Variants in SETBP1 observed in about 807,000 individuals in gnomAD.
SETBP1 encodes the protein SET binding protein 1, also known as SET-binding protein.
SETBP1 carries 9 observed loss-of-function variants against 101.0 expected under a neutral mutation model. The ratio of observed to expected loss-of-function variants is 0.09; its 90% CI spans 0.05 to 0.16. The LOEUF is 0.16. SETBP1 is among the 10% of genes least tolerant of loss of function. SETBP1 has a pLI of 1.00. For synonymous variants in SETBP1, 818 were observed against 788.5 expected (o/e 1.04, Z -0.63); for missense variants, 1,858 against 2,033.8 (o/e 0.91, Z 1.66).
At chr18:44,809,374 A>C (rs2071812263) in intron 2 of SETBP1, among the ~76,000 whole-genome samples, 1 of 152,232 alleles carries the variant, frequency 6.6e-6, no homozygotes, top group Non-Finnish European at 1.5e-5. Flanking sequence ...AATTCAAAAC[A>C]AGAAATTACT....
At chr18:45,036,349 A>T (rs57611168) in intron 4 of SETBP1, among the ~76,000 whole-genome samples, 38,951 of 147,942 alleles carry the variant, frequency 0.26, 5,348 homozygotes, top group Middle Eastern at 0.4. Context: ...AAAAAAAAAA[A>T]GGCTAAGAAG....
intron 3 of SETBP1, among the ~76,000 whole-genome samples, chr18:44,943,766 C>T (rs973364989): frequency 5.3e-5 from 8 of 152,162 alleles, no homozygotes; most frequent in Non-Finnish European, 1.0e-4. Flanking sequence ...CCAGGATTCC[C>T]CAGGGGTTTG....
At chr18:44,859,623 T>C (rs2073037464) in intron 2 of SETBP1, among the ~76,000 whole-genome samples, 1 of 152,080 alleles carries the variant, frequency 6.6e-6, no homozygotes, top group African/African-American at 2.4e-5. Flanking sequence ...TAGTGTGAAA[T>C]TTAAGATAGA....
At chr18:45,039,947 T>C (rs988865637) in intron 5 of SETBP1, among the ~76,000 whole-genome samples, 6 of 152,116 alleles carry the variant, frequency 3.9e-5, no homozygotes, top group African/African-American at 9.7e-5. Context: ...GAAAAGTAGG[T>C]GTAGGAAAAG....
intron 2 of SETBP1, among the ~76,000 whole-genome samples, chr18:44,868,214 T>G (rs965469162): frequency 6.6e-6 from 1 of 152,220 alleles, no homozygotes; most frequent in African/African-American, 2.4e-5. Context: ...TATAACTGAC[T>G]TTTATTCTTT....
intron 2 of SETBP1, among the ~76,000 whole-genome samples, chr18:44,764,081 C>T (rs2070714496): frequency 6.6e-6 from 1 of 152,240 alleles, no homozygotes; most frequent in Admixed American, 6.5e-5. Context: ...AATTAGGATG[C>T]TCCTGTGCTC....
intron 2 of SETBP1, among the ~76,000 whole-genome samples, chr18:44,776,647 C>T (rs2071010699): frequency 6.6e-6 from 1 of 152,244 alleles, no homozygotes; most frequent in Non-Finnish European, 1.5e-5. Flanking sequence ...TCCTTTATGC[C>T]TAAAGAAGTC....
chr18:44,952,100 G>A lies in SETBP1; in HGVS notation c.2760G>A (p.Lys920=). 1 of 1,614,062 alleles carries A rather than the reference G, an allele frequency of 6.2e-7. No individual in the cohort carries two copies. Among genetic ancestry groups the A allele is most frequent in the Non-Finnish European group, 8.5e-7 (1 of 1,180,022 alleles). ...STKNRHGHRQ[K]HLIVDNFLAH... ...AGAACCGGCATGGCCACCGGCAAAA[G>A]CATCTCATTGTGGACAACTTTCTGG... is the stretch of plus-strand genomic sequence containing the variant. Residue 920 remains lysine, a synonymous_variant, in exon 4 of 6, where the codon AAG becomes AAA. Transcript: ENST00000649279.
chr18:44,871,673 G>A (rs948176439), intron 3 of SETBP1: 6 of 152,196 alleles, frequency 3.9e-5, no homozygotes, highest in African/African-American at 1.4e-4. Context: ...TCTTCTCTCT[G>A]CTTCCAGATA....
intron 4 of SETBP1, among the ~76,000 whole-genome samples, chr18:44,971,159 AATG>A (rs1215998260): frequency 2.0e-5 from 3 of 152,080 alleles, no homozygotes; most frequent in Non-Finnish European, 4.4e-5. Context: ...GTTTGCTCAG[AATG>A]ATGGTTTCCA....
At chr18:44,880,722 T>C (rs2069511763) in intron 3 of SETBP1, among the ~76,000 whole-genome samples, 2 of 151,940 alleles carry the variant, frequency 1.3e-5, no homozygotes, top group South Asian at 2.1e-4. Context: ...GGGGCAGAGG[T>C]GCCACATGTT....
chr18:44,845,011 T>A (rs1048680446), intron 2 of SETBP1, among the ~76,000 whole-genome samples: 58 of 151,906 alleles, frequency 3.8e-4, no homozygotes, highest in African/African-American at 1.3e-3. Flanking sequence ...ACAGACAAGG[T>A]GTGATTATGT....
Position 44,953,210 on chromosome 18 carries a change from G to C in SETBP1, c.3870G>C (p.Lys1290Asn), listed in dbSNP as rs769389920. 1.2e-6 allele frequency: 2 copies of C among 1,614,156 alleles called. No homozygotes were observed. Among genetic ancestry groups the C allele is most frequent in the South Asian group, 2.2e-5 (2 of 91,078 alleles). Residue 1290 changes from lysine (K) to asparagine (N), a missense_variant, in exon 4 of 6, where the codon AAG becomes AAC. Transcript: ENST00000649279. ...VFSEMNPSNDKWDSDVSGSKR... is the reference protein window; with the variant it reads ...VFSEMNPSNDNWDSDVSGSKR... ...GTGAAATGAACCCTTCGAATGACAA[G>C]TGGGACAGTGACGTGAGTGGGAGTA...
At position 44,989,325 on chromosome 18, in the gene SETBP1, C is replaced by G. The variant is rs146110053; in HGVS notation, c.4000+35985C>G. 3.7e-3 allele frequency: 558 copies of G among 151,998 alleles called. 1 individual carries two copies. Among genetic ancestry groups the G allele is most frequent in the African/African-American group, 0.013 (529 of 41,448 alleles). 9.4% of individuals were successfully genotyped at this position (151,998 alleles called of 1,614,324 possible). On this transcript the variant is annotated intron_variant, in intron 4 of 5. Coordinates refer to ENST00000649279, the MANE Select transcript of SETBP1 (RefSeq NM_015559.3). ...TACATAATAATTTAAATTAGAAACA[C>G]AATGATGGATGATGTAGCAAATTAG...
intron 4 of SETBP1, chr18:44,986,947 T>C (rs1393130049): frequency 1.4e-5 from 2 of 138,118 alleles, no homozygotes; most frequent in Non-Finnish European, 1.6e-5. Flanking sequence ...TAGTATTGTA[T>C]TGTATTGTAT....
At chr18:44,784,373 A>G (rs1441968066) in intron 2 of SETBP1, among the ~76,000 whole-genome samples, 1 of 151,948 alleles carries the variant, frequency 6.6e-6, no homozygotes, top group African/African-American at 2.4e-5. Context: ...TGTTCTTTAG[A>G]CAAGCCTGGC....
chr18:44,778,176 G>A (rs1232261891), intron 2 of SETBP1, among the ~76,000 whole-genome samples: 1 of 152,118 alleles, frequency 6.6e-6, no homozygotes, highest in Non-Finnish European at 1.5e-5. Context: ...TACTGAGCTG[G>A]CCTTGTATGA....
intron 2 of SETBP1, among the ~76,000 whole-genome samples, chr18:44,735,526 A>G (rs1019894852): frequency 2.6e-5 from 4 of 152,192 alleles, no homozygotes; most frequent in African/African-American, 9.6e-5. Context: ...AACAGACATG[A>G]TAGTAACAAA....
chr18:44,931,029 T>A (rs1039995451), intron 3 of SETBP1, among the ~76,000 whole-genome samples: 1 of 152,204 alleles, frequency 6.6e-6, no homozygotes, highest in Non-Finnish European at 1.5e-5. Context: ...AATTGTGATG[T>A]TAGGGTGTCA....
Sources: gnomAD v4.1 joint callset for allele counts (sites outside exome capture counted in the v4.1 genomes callset) on GRCh38, gnomAD v4.1.1 for gene constraint, MANE v1.5 for transcripts, NCBI Gene and HGNC (gene_info 2026-07-23, HGNC 2026-07-21) for gene names.